The following ANKFN1 variants were observed in gnomAD, a reference collection of about 807,000 sequenced individuals.
ANKFN1 encodes the protein ankyrin repeat and fibronectin type-III domain-containing protein 1.
A neutral mutation model predicts 108.7 loss-of-function variants in ANKFN1; 74 were observed. The ratio of observed to expected loss-of-function variants is 0.68; its 90% confidence interval spans 0.56 to 0.83. ANKFN1 has a LOEUF of 0.83. Ranked by LOEUF, ANKFN1 falls within the 40% of genes least tolerant of loss-of-function variation. ANKFN1 has a pLI of 0.00. For missense variants in ANKFN1, 1,505 were observed against 1,382.3 expected (o/e 1.09, Z -1.41); for synonymous variants, 547 against 516.2 (o/e 1.06, Z -0.81).
Position 56,480,702 on chromosome 17 carries a change from T to A in ANKFN1, c.1975T>A (p.Ser659Thr), listed in dbSNP as rs754820240. The change falls in exon 17 of 21, where the codon TCT becomes ACT. Residue 659 changes from serine (S) to threonine (T), a missense_variant. Coordinates refer to ENST00000682825, the MANE Select transcript of ANKFN1 (RefSeq NM_001370326.1). ...EWEWIQKLSGSESMESVDHTS... is the reference protein window; with the variant it reads ...EWEWIQKLSGTESMESVDHTS... ...GGAATGGATCCAAAAGCTTTCTGGC[T>A]CTGAATCTATGGAAAGTGTGGATCA... 8 of 1,614,018 alleles carry A rather than the reference T, an allele frequency of 5.0e-6. No individual in the cohort carries two copies. Among genetic ancestry groups the A allele is most frequent in the Non-Finnish European group, 6.8e-6 (8 of 1,179,940 alleles).
At chr17:56,323,145 A>T (rs2144518637) in intron 3 of ANKFN1, 1 of 152,288 alleles carries the variant, frequency 6.6e-6, no homozygotes, top group Middle Eastern at 3.4e-3. Flanking sequence ...GTGGAGGGGA[A>T]GTTCTGAGTG....
intron 3 of ANKFN1, among the ~76,000 whole-genome samples, chr17:56,268,529 AC>A (rs1209853607): frequency 6.6e-6 from 1 of 152,312 alleles, no homozygotes; most frequent in East Asian, 1.9e-4. Context: ...AACTAGAAAA[AC>A]CAGAGCAAAC....
intron 5 of ANKFN1, among the ~76,000 whole-genome samples, chr17:56,352,677 C>T (rs1363433786): frequency 2.6e-5 from 4 of 152,154 alleles, no homozygotes; most frequent in Non-Finnish European, 5.9e-5. Context: ...AAATATTCAA[C>T]TCTGGTCCCA....
At chr17:56,154,684 A>T (rs1341177231) in intron 1 of ANKFN1, among the ~76,000 whole-genome samples, 1 of 151,948 alleles carries the variant, frequency 6.6e-6, no homozygotes, top group African/African-American at 2.4e-5. Context: ...TATGTATTCA[A>T]ACTTTCAGTA....
intron 3 of ANKFN1, among the ~76,000 whole-genome samples, chr17:56,256,385 G>T (rs1313921965): frequency 6.6e-6 from 1 of 152,174 alleles, no homozygotes; most frequent in Non-Finnish European, 1.5e-5. Context: ...GCCTATTCTT[G>T]TCTAGTTCTC....
At chr17:56,485,472 G>A (rs751449123) in intron 18 of ANKFN1, among the ~76,000 whole-genome samples, 1 of 152,182 alleles carries the variant, frequency 6.6e-6, no homozygotes, top group African/African-American at 2.4e-5. Flanking sequence ...AAGCAAGAAA[G>A]ATAGGAGATG....
At chr17:56,222,129 TG>T (rs2143872544) in intron 2 of ANKFN1, among the ~76,000 whole-genome samples, 1 of 152,276 alleles carries the variant, frequency 6.6e-6, no homozygotes, top group East Asian at 1.9e-4. Context: ...TTGTTTTAGA[TG>T]TATGGCTGAG....
In ANKFN1 at chr17:56,424,788, C is replaced by CA. The variant is rs574182198; in HGVS notation, c.911-15538dup. On this transcript the variant is annotated intron_variant, in intron 8 of 20. Transcript: ENST00000682825. ...ACAGTTTCAGCAGCCCCTGTGGTAA[C>CA]AGAGTATTTCTTTGATCTCTTGCCA... 6.2e-4 allele frequency among the ~76,000 whole-genome samples: 94 copies of CA among 152,274 alleles called. 2 individuals carry two copies. The East Asian group carries it at 0.017, about 28-fold the overall frequency.
At chr17:56,278,334 C>G (rs1443384833) in intron 3 of ANKFN1, among the ~76,000 whole-genome samples, 1 of 152,200 alleles carries the variant, frequency 6.6e-6, no homozygotes, top group African/African-American at 2.4e-5. Flanking sequence ...CCTCAGCCAT[C>G]CTCTTGGATC....
intron 8 of ANKFN1, among the ~76,000 whole-genome samples, chr17:56,434,850 G>A (rs1450550619): frequency 1.3e-5 from 2 of 152,050 alleles, no homozygotes; most frequent in African/African-American, 2.4e-5. Flanking sequence ...CAATTAGATG[G>A]ATCGGGGGAA....
At chr17:56,275,349 G>A (rs1437589859) in intron 3 of ANKFN1, among the ~76,000 whole-genome samples, 1 of 151,566 alleles carries the variant, frequency 6.6e-6, no homozygotes, top group East Asian at 1.9e-4. Flanking sequence ...CAGACAGAGG[G>A]CCCAAGCATC....
chr17:56,187,029 G>A (rs1244039369), intron 1 of ANKFN1, among the ~76,000 whole-genome samples: 1 of 152,098 alleles, frequency 6.6e-6, no homozygotes, highest in Non-Finnish European at 1.5e-5. Flanking sequence ...GCATGGGCAA[G>A]GACTTCATGT....
At chr17:56,136,787 C>T (rs539903943) in intron 4 of ANKFN1, among the ~76,000 whole-genome samples, 1 of 152,268 alleles carries the variant, frequency 6.6e-6, no homozygotes, top group South Asian at 2.1e-4. Context: ...AAGCCTATGA[C>T]TAGAACATAT....
chr17:56,233,713 T>C lies in ANKFN1; in HGVS notation c.53+5756T>C, dbSNP rs149640477. ...GTGAAAAGATGTGTATGTTTGCCTG[T>C]GTGTACGTGTGTGTACATTATATAT... On this transcript the variant is annotated intron_variant, in intron 3 of 20. Transcript: ENST00000682825. 6.6e-3 allele frequency among the ~76,000 whole-genome samples: 1,008 copies of C among 152,076 alleles called. 10 individuals carry two copies. The highest frequency in any genetic ancestry group is 0.023 in the African/African-American group (949 of 41,508).
intron 4 of ANKFN1, among the ~76,000 whole-genome samples, chr17:56,133,827 T>A (rs547880349): frequency 2.6e-5 from 4 of 152,044 alleles, no homozygotes; most frequent in Non-Finnish European, 5.9e-5. Context: ...ACATAATACT[T>A]CTGACACCAG....
chr17:56,065,461 G>A (rs1229951598), intron 4 of ANKFN1, among the ~76,000 whole-genome samples: 4 of 152,132 alleles, frequency 2.6e-5, no homozygotes, highest in Admixed American at 6.5e-5. Context: ...AGCTTGGCAC[G>A]AGAACTTAGC....
At chr17:56,413,613 T>C (rs189524885) in intron 8 of ANKFN1, among the ~76,000 whole-genome samples, 183 of 152,346 alleles carry the variant, frequency 1.2e-3, no homozygotes, top group African/African-American at 3.9e-3. Context: ...TAGTTTTATA[T>C]TGAGAGTTTT....
At chr17:56,326,503 A>G (rs2045520606) in intron 4 of ANKFN1, 148 bp downstream of exon 4, 2 of 966,344 alleles carry the variant, frequency 2.1e-6, no homozygotes, top group African/African-American at 3.3e-5. Context: ...GTCCATGAAG[A>G]ATACACACAA....
At chr17:56,471,971 A>T (rs1206687509) in intron 15 of ANKFN1, 1 of 152,236 alleles carries the variant, frequency 6.6e-6, no homozygotes, top group Non-Finnish European at 1.5e-5. Context: ...CACTGGTGAT[A>T]GTTGCACAAC....
Sources: gnomAD v4.1 joint callset for allele counts (sites outside exome capture counted in the v4.1 genomes callset) on GRCh38, gnomAD v4.1.1 for gene constraint, MANE v1.5 for transcripts, NCBI Gene and HGNC (gene_info 2026-07-23, HGNC 2026-07-21) for gene names.